SPATA17: variants seen among roughly 807,000 people sequenced by gnomAD.
SPATA17 encodes spermatogenesis associated 17.
Under a neutral mutation model 62.2 loss-of-function variants are expected in SPATA17, and 53 were observed. That is an observed-to-expected ratio of 0.85 (90% CI 0.68 to 1.07). The LOEUF is 1.07. Among genes scored for constraint, SPATA17 ranks in the 50% least tolerant of loss-of-function variants. The pLI is 0.00. For missense variants in SPATA17, 466 were observed against 425.5 expected (o/e 1.10, Z -0.84); for synonymous variants, 146 against 146.8 (o/e 0.99, Z 0.04).
At chr1:217,654,274 A>G (rs1670385275) in intron 3 of SPATA17, among the ~76,000 whole-genome samples, 1 of 151,902 alleles carries the variant, frequency 6.6e-6, no homozygotes, top group Admixed American at 6.6e-5. Context: ...AGTAGCTGGA[A>G]TTACAGGGAC....
At chr1:217,753,272 T>C (rs939638811) in intron 6 of SPATA17, among the ~76,000 whole-genome samples, 2 of 152,212 alleles carry the variant, frequency 1.3e-5, no homozygotes, top group Non-Finnish European at 2.9e-5. Flanking sequence ...ACTCCATTCA[T>C]GTACTATGTG....
At chr1:217,699,210 G>A (rs911586432) in intron 5 of SPATA17, among the ~76,000 whole-genome samples, 16 of 152,012 alleles carry the variant, frequency 1.1e-4, no homozygotes, top group African/African-American at 3.4e-4. Flanking sequence ...TATTTTTTTG[G>A]AATAAATACC....
intron 9 of SPATA17, among the ~76,000 whole-genome samples, chr1:217,807,916 C>T (rs1674478338): frequency 6.6e-6 from 1 of 152,046 alleles, no homozygotes; most frequent in African/African-American, 2.4e-5. Flanking sequence ...GAGATACTTT[C>T]CTGAAAAGTC....
At chr1:217,819,172 C>G (rs1674799755) in intron 9 of SPATA17, among the ~76,000 whole-genome samples, 1 of 151,416 alleles carries the variant, frequency 6.6e-6, no homozygotes. Context: ...TTTGAATTCT[C>G]ACTTTGATTT....
At chr1:217,790,685 C>G (rs879168041) in intron 8 of SPATA17, among the ~76,000 whole-genome samples, 1 of 152,192 alleles carries the variant, frequency 6.6e-6, no homozygotes. Flanking sequence ...GCCTCGGCCT[C>G]CCAAAGTGCT....
At chr1:217,770,382 T>A (rs1407153270) in intron 6 of SPATA17, among the ~76,000 whole-genome samples, 1 of 152,234 alleles carries the variant, frequency 6.6e-6, no homozygotes, top group South Asian at 2.1e-4. Context: ...TTAATCATTC[T>A]TCATACCCGG....
chr1:217,799,544 G>A (rs561414046), intron 8 of SPATA17, among the ~76,000 whole-genome samples: 2 of 152,182 alleles, frequency 1.3e-5, no homozygotes, highest in East Asian at 1.9e-4. Flanking sequence ...AAGAGCATAC[G>A]TAATACATGC....
At chr1:217,683,136 G>A (rs1671127185) in intron 4 of SPATA17, 122 bp from the exon 5 acceptor site, 2 of 545,328 alleles carry the variant, frequency 3.7e-6, no homozygotes, top group Non-Finnish European at 6.3e-6. Context: ...AATATTAGTG[G>A]AAAAGCCCAA....
At chr1:217,791,647 T>C (rs1018466398) in intron 8 of SPATA17, among the ~76,000 whole-genome samples, 1 of 152,244 alleles carries the variant, frequency 6.6e-6, no homozygotes, top group African/African-American at 2.4e-5. Context: ...TTCAGTGATA[T>C]GCTTGAGAAT....
intron 5 of SPATA17, among the ~76,000 whole-genome samples, chr1:217,706,664 A>C (rs574658393): frequency 6.6e-6 from 1 of 152,274 alleles, no homozygotes; most frequent in African/African-American, 2.4e-5. Context: ...TTCCTTTATA[A>C]ATTACCCAGT....
At chr1:217,806,275 T>C (rs1425455481) in intron 9 of SPATA17, among the ~76,000 whole-genome samples, 6 of 152,190 alleles carry the variant, frequency 3.9e-5, no homozygotes, top group Non-Finnish European at 7.4e-5. Flanking sequence ...AGGTAGAGTC[T>C]CTCTGCAAGG....
At chr1:217,679,945 G>C (rs573293828) in intron 4 of SPATA17, among the ~76,000 whole-genome samples, 2 of 151,948 alleles carry the variant, frequency 1.3e-5, no homozygotes, top group South Asian at 4.2e-4. Flanking sequence ...TCATAAACTC[G>C]CATCATTCTT....
chr1:217,871,021 G>A lies in SPATA17; in HGVS notation c.*4002G>A, dbSNP rs1186075186. ...AACACCATTTGTCATTTGAATGCGT[G>A]CATTGTGGCCTGTTACTTTTAACTA... is the stretch of plus-strand genomic sequence containing the variant. On this transcript the variant is annotated 3_prime_UTR_variant, in exon 11 of 11. Transcript: ENST00000366933. 6.6e-6 allele frequency: 1 copy of A among 152,138 alleles called. No homozygotes were observed. Among genetic ancestry groups the A allele is most frequent in the Admixed American group, 6.6e-5 (1 of 15,262 alleles). 9.4% of individuals were successfully genotyped at this position (152,138 alleles called of 1,614,324 possible).
intron 1 of SPATA17, among the ~76,000 whole-genome samples, chr1:217,636,056 C>T (rs1031732109): frequency 7.7e-5 from 11 of 143,154 alleles, no homozygotes; most frequent in African/African-American, 2.9e-4. Context: ...TCACTTGAAC[C>T]CTAGAGGTGG....
chr1:217,783,349 C>T (rs573894451), intron 8 of SPATA17, among the ~76,000 whole-genome samples: 3 of 151,822 alleles, frequency 2.0e-5, no homozygotes, highest in African/African-American at 7.2e-5. Context: ...ATATCAAAGA[C>T]AAAATTGGCA....
intron 5 of SPATA17, among the ~76,000 whole-genome samples, chr1:217,709,192 A>G (rs1038037679): frequency 1.3e-5 from 2 of 152,216 alleles, no homozygotes; most frequent in Non-Finnish European, 2.9e-5. Context: ...TCAGGACTAT[A>G]TAATTGCCAT....
At chr1:217,631,859 A>G (rs1669788962) in intron 1 of SPATA17, among the ~76,000 whole-genome samples, 1 of 152,070 alleles carries the variant, frequency 6.6e-6, no homozygotes, top group Admixed American at 6.6e-5. Context: ...CACTAAACTC[A>G]ATTGTTCTAT....
intron 9 of SPATA17, among the ~76,000 whole-genome samples, chr1:217,850,997 T>C (rs192456681): frequency 4.6e-5 from 7 of 152,318 alleles, no homozygotes; most frequent in Admixed American, 2.0e-4. Flanking sequence ...CTGGAGGAAG[T>C]AGCATTTTTA....
chr1:217,753,105 CATTCACTGAT>C, intron 6 of SPATA17, among the ~76,000 whole-genome samples: 1 of 152,122 alleles, frequency 6.6e-6, no homozygotes, highest in Non-Finnish European at 1.5e-5. Context: ...GAGACAGTGG[CATTCACTGAT>C]ATCTGACTTT....
Sources: gnomAD v4.1 joint callset for allele counts (sites outside exome capture counted in the v4.1 genomes callset) on GRCh38, gnomAD v4.1.1 for gene constraint, MANE v1.5 for transcripts, NCBI Gene and HGNC (gene_info 2026-07-23, HGNC 2026-07-21) for gene names.